Variants in GPR18 observed in about 807,000 individuals in gnomAD.
The protein encoded by GPR18 is N-arachidonyl glycine receptor.
A neutral mutation model predicts 22.8 loss-of-function variants in GPR18; 20 were observed. The ratio of observed to expected loss-of-function variants is 0.88; its 90% confidence interval spans 0.62 to 1.28. The LOEUF (loss-of-function observed/expected upper bound fraction) is 1.28, where lower values mean the gene tolerates loss of function less well. Among genes scored for constraint, GPR18 ranks in the 50% most tolerant of loss-of-function variants. GPR18 has a pLI of 0.00. For synonymous variants in GPR18, 160 were observed against 155.3 expected (o/e 1.03, Z -0.22); for missense variants, 379 against 412.0 (o/e 0.92, Z 0.69).
At position 99,255,474 on chromosome 13, in the gene GPR18, T is replaced by C. The variant is rs151309537; in HGVS notation, c.399A>G (p.Lys133=). The stretch of plus-strand genomic sequence containing the variant: ...ACGCCAGCACGGCTTTGCACGTGTT[T>C]TTAAGTTCTTTGGCGTACTTCGGCT... ...IVQPKYAKEL[K]NTCKAVLACV... is the part of the protein sequence containing the mutation. The change falls in exon 2 of 2, where the codon AAA becomes AAG. Residue 133 remains lysine (K), a synonymous_variant. Transcript: ENST00000397470. The C allele has an allele frequency of 8.5e-4, 1,378 of 1,614,108 alleles. 12 individuals are homozygous for C. The African/African-American group carries it at 0.015, about 18-fold the overall frequency.
chr13:99,256,419 A>T (rs963444681), intron 1 of GPR18: 2 of 152,258 alleles, frequency 1.3e-5, no homozygotes, highest in African/African-American at 4.8e-5. Flanking sequence ...AGAGCAATAG[A>T]TGAGCTGTTT....
intron 1 of GPR18, among the ~76,000 whole-genome samples, chr13:99,256,142 C>G (rs1048355608): frequency 1.3e-5 from 2 of 152,020 alleles, no homozygotes; most frequent in Non-Finnish European, 2.9e-5. Flanking sequence ...AATAGGTACT[C>G]AATAAATAAA....
At position 99,255,585 on chromosome 13, in the gene GPR18, A is replaced by T; in HGVS notation, c.288T>A (p.Ile96=). 6.2e-7 allele frequency: 1 copy of T among 1,614,230 alleles called. No individual in the cohort carries two copies. The highest frequency in any genetic ancestry group is 8.5e-7 in the Non-Finnish European group (1 of 1,180,024). ...GGTAAAACACTGTGAGAGCTCCAAG[A>T]ATCTGGCAGAAGTACTCTCCAAATG... The part of the protein sequence containing the change: ...EWPFGEYFCQ[I]LGALTVFYPS... The change falls in exon 2 of 2, where the codon ATT becomes ATA. Residue 96 remains isoleucine, a synonymous_variant. Coordinates refer to ENST00000397470, the MANE Select transcript of GPR18 (RefSeq NM_001098200.2).
chr13:99,257,493 G>A (rs1223269201), intron 1 of GPR18, among the ~76,000 whole-genome samples: 3 of 151,800 alleles, frequency 2.0e-5, no homozygotes, highest in African/African-American at 7.3e-5. Flanking sequence ...CCCACGTTAT[G>A]CTCAAGCTGT....
intron 1 of GPR18, 33 bp from the exon 2 acceptor site, chr13:99,255,939 A>G (rs1566471605): frequency 7.1e-7 from 1 of 1,414,596 alleles, no homozygotes; most frequent in African/African-American, 1.4e-5. Flanking sequence ...TAAGAATAAA[A>G]TCGTTGGTTA....
intron 1 of GPR18, among the ~76,000 whole-genome samples, chr13:99,257,312 CTTATTT>C (rs2043581679): frequency 6.6e-6 from 1 of 152,090 alleles, no homozygotes; most frequent in Non-Finnish European, 1.5e-5. Flanking sequence ...AGGCTTAAAT[CTTATTT>C]TTAACTGGAA....
chr13:99,256,138 TACTC>T (rs1031812932), intron 1 of GPR18, among the ~76,000 whole-genome samples: 7 of 152,200 alleles, frequency 4.6e-5, no homozygotes, highest in African/African-American at 1.2e-4. Flanking sequence ...ATGTAATAGG[TACTC>T]AATAAATAAA....
intron 1 of GPR18, among the ~76,000 whole-genome samples, chr13:99,257,485 C>A (rs1469990090): frequency 6.6e-6 from 1 of 151,746 alleles, no homozygotes; most frequent in Non-Finnish European, 1.5e-5. Flanking sequence ...TCTTTTTTCC[C>A]ACGTTATGCT....
chr13:99,257,967 A>G (rs565315641), intron 1 of GPR18, among the ~76,000 whole-genome samples, 187 bp downstream of exon 1: 6 of 152,374 alleles, frequency 3.9e-5, no homozygotes, highest in African/African-American at 1.4e-4. Flanking sequence ...TTTTTAATAG[A>G]GACGGGGTCT....
Position 99,255,082 on chromosome 13 carries a change from T to G in GPR18, c.791A>C (p.Tyr264Ser), listed in dbSNP as rs201584591. The change falls in exon 2 of 2, where the codon TAC becomes TCC. Residue 264 changes from tyrosine (Y) to serine (S), a missense_variant. By Grantham distance (144) the Tyr-to-Ser change is moderately radical. Transcript: ENST00000397470. The part of the protein sequence containing the change: ...FLMLGTGENS[Y>S]NPWGAFTTFL... ...GGTGGTAAAGGCTCCCCAGGGATTGTAACTGTTCTCCCCCGTTCCCAGCAT... is the reference window on the plus strand; with the variant it reads ...GGTGGTAAAGGCTCCCCAGGGATTGGAACTGTTCTCCCCCGTTCCCAGCAT... 6.2e-7 allele frequency: 1 copy of G among 1,614,106 alleles called. No individual in the cohort carries two copies. Among genetic ancestry groups the G allele is most frequent in the Non-Finnish European group, 8.5e-7 (1 of 1,180,016 alleles).
At chr13:99,257,835 A>G (rs572334189) in intron 1 of GPR18, among the ~76,000 whole-genome samples, 3 of 152,364 alleles carry the variant, frequency 2.0e-5, no homozygotes, top group Admixed American at 2.0e-4. Context: ...TTTAGTATTA[A>G]TGTAAAGCAA....
In GPR18 at chr13:99,258,370, T is replaced by G. The variant is rs1311908063; in HGVS notation, c.-251A>C. On this transcript the variant is annotated 5_prime_UTR_variant, in exon 1 of 2. Transcript: ENST00000397470. The stretch of plus-strand genomic sequence containing the variant: ...GAGTTGGTGCTGGGCTGACTTTAAT[T>G]GCTGCTTTGTCTCTTTCAGGAAGTG... The G allele has an allele frequency of 6.6e-6, 1 of 152,272 alleles. No individual in the cohort carries two copies. The highest frequency in any genetic ancestry group is 1.5e-5 in the Non-Finnish European group (1 of 68,046). 9.4% of individuals were successfully genotyped at this position (152,272 alleles called of 1,614,324 possible). A position where few individuals can be genotyped will look rare whatever the true frequency, so the allele number is the denominator to read the frequency against.
chr13:99,254,953 AGGTAATTAC>A lies in GPR18; in HGVS notation c.911_919del (p.Arg304_Tyr306del), dbSNP rs1480425684. On this transcript the variant is annotated inframe_deletion, in exon 2 of 2. Transcript: ENST00000397470. The stretch of plus-strand genomic sequence containing the variant: ...GAAACTTTTTCTGCGCATGCTTCGA[AGGTAATTAC>A]GGTATAGCATGACACTAATGACTCG... 3 of 1,613,884 alleles carry A rather than the reference AGGTAATTAC, an allele frequency of 1.9e-6. No homozygotes were observed.
Position 99,254,785 on chromosome 13 carries a change from G to T in GPR18, c.*92C>A, listed in dbSNP as rs1322687930. On this transcript the variant is annotated 3_prime_UTR_variant, in exon 2 of 2. Transcript: ENST00000397470. ...ATGAATTTATTTTTTCAAGAGAAAA[G>T]GGACTTGATAGTATTATACAGAATA... 2.0e-5 allele frequency: 18 copies of T among 878,410 alleles called. No individual in the cohort carries two copies. The highest frequency in any genetic ancestry group is 2.9e-5 in the Non-Finnish European group (17 of 586,226). 54.4% of individuals were successfully genotyped at this position (878,410 alleles called of 1,614,324 possible). A position where few individuals can be genotyped will look rare whatever the true frequency, so the allele number is the denominator to read the frequency against.
In GPR18 at chr13:99,254,805, A is replaced by G; in HGVS notation, c.*72T>C. On this transcript the variant is annotated 3_prime_UTR_variant, in exon 2 of 2. Coordinates refer to ENST00000397470, the MANE Select transcript of GPR18 (RefSeq NM_001098200.2). ...GAAAAGGGACTTGATAGTATTATAC[A>G]GAATATCCATTGACGCCAGAGTAGT... 8.6e-7 allele frequency: 1 copy of G among 1,156,360 alleles called. No homozygotes were observed. Among genetic ancestry groups the G allele is most frequent in the Non-Finnish European group, 1.2e-6 (1 of 801,250 alleles). The allele number at this position is 1,156,360 out of a possible 1,614,324, so 71.6% of individuals were successfully genotyped here.
At chr13:99,255,974 C>T in intron 1 of GPR18, 68 bp from the exon 2 acceptor site, 5 of 1,157,524 alleles carry the variant, frequency 4.3e-6, no homozygotes, top group Non-Finnish European at 4.8e-6. Flanking sequence ...AACATTCTCC[C>T]ACTCAGCTTG....
In GPR18 at chr13:99,254,895, T is replaced by C; in HGVS notation, c.978A>G (p.Ile326Met). 1 of 1,613,130 alleles carries C rather than the reference T, an allele frequency of 6.2e-7. No homozygotes were observed. The highest frequency in any genetic ancestry group is 8.5e-7 in the Non-Finnish European group (1 of 1,179,426). The change falls in exon 2 of 2, where the codon ATA becomes ATG. Residue 326 changes from isoleucine (I) to methionine (M), a missense_variant. Transcript: ENST00000397470. Reference protein sequence around the residue: ...RSGSLRSLSNINSEML With the variant: ...RSGSLRSLSNMNSEML The stretch of plus-strand genomic sequence containing the variant: ...TTATTATTCATAACATTTCACTGTT[T>C]ATATTGCTTAGTGACCGTAGACTAC...
intron 1 of GPR18, 55 bp from the exon 2 acceptor site, chr13:99,255,961 C>G: frequency 1.6e-6 from 2 of 1,270,226 alleles, no homozygotes; most frequent in Non-Finnish European, 2.2e-6. Flanking sequence ...AAAATAAATG[C>G]TTAACATTCT....
chr13:99,256,812 A>T (rs1161374654), intron 1 of GPR18, among the ~76,000 whole-genome samples: 1 of 152,104 alleles, frequency 6.6e-6, no homozygotes, highest in East Asian at 1.9e-4. Context: ...ATGATGCAAC[A>T]CCAACAACAG....
Sources: allele counts gnomAD v4.1 joint callset (sites outside exome capture counted in the v4.1 genomes callset), GRCh38; gene constraint gnomAD v4.1.1; transcripts MANE v1.5; gene names NCBI Gene and HGNC (gene_info 2026-07-23, HGNC 2026-07-21).